The following ADAMTS16 variants were observed in gnomAD, a reference collection of about 807,000 sequenced individuals.
ADAMTS16 encodes the protein ADAM metallopeptidase with thrombospondin type 1 motif 16, also known as A disintegrin and metalloproteinase with thrombospondin motifs 16.
In ADAMTS16, 94 loss-of-function variants were observed where a neutral mutation model predicts 145.8. That is an observed-to-expected ratio of 0.64 (90% CI 0.55 to 0.77). The LOEUF (loss-of-function observed/expected upper bound fraction) is 0.77, where lower values mean the gene tolerates loss of function less well. Among genes scored for constraint, ADAMTS16 ranks in the 30% least tolerant of loss-of-function variants. The pLI is 0.00. For synonymous variants in ADAMTS16, 659 were observed against 604.3 expected, an observed-to-expected ratio of 1.09 and a Z score of -1.33; for missense variants, 1,585 against 1,591.5, an observed-to-expected ratio of 1.00 and a Z score of 0.07.
intron 3 of ADAMTS16, among the ~76,000 whole-genome samples, chr5:5,158,928 T>A (rs1385501605): frequency 6.6e-6 from 1 of 152,216 alleles, no homozygotes; most frequent in African/African-American, 2.4e-5. Context: ...TTCTCATGAA[T>A]AGGCACTTTC....
chr5:5,286,245 A>G (rs1400620489), intron 18 of ADAMTS16, among the ~76,000 whole-genome samples: 1 of 152,224 alleles, frequency 6.6e-6, no homozygotes, highest in Non-Finnish European at 1.5e-5. Flanking sequence ...TGATGTCTGT[A>G]TTTATATACA....
At chr5:5,253,711 C>T (rs971998622) in intron 17 of ADAMTS16, among the ~76,000 whole-genome samples, 3 of 152,146 alleles carry the variant, frequency 2.0e-5, no homozygotes, top group Non-Finnish European at 2.9e-5. Flanking sequence ...CCCACATCTT[C>T]GAAGATTCTC....
intron 3 of ADAMTS16, among the ~76,000 whole-genome samples, chr5:5,158,955 CA>C (rs1440159961): frequency 6.6e-6 from 1 of 152,230 alleles, no homozygotes; most frequent in Non-Finnish European, 1.5e-5. Context: ...CTGCATCCTC[CA>C]CAAAAAGTGA....
intron 18 of ADAMTS16, among the ~76,000 whole-genome samples, chr5:5,266,947 C>T (rs1232685847): frequency 6.6e-6 from 1 of 152,152 alleles, no homozygotes; most frequent in Non-Finnish European, 1.5e-5. Flanking sequence ...TTGCCCTTAC[C>T]ACCAACCATT....
rs112289099 is a variant in ADAMTS16 at position 5,158,782 on chromosome 5, T to A, written c.501+12327T>A. ...GTACAACTCAAGCAACTAAGTGGCA[T>A]TTGTCCAGCTCTTAGCCTTTTGTAT... is the stretch of plus-strand genomic sequence containing the variant. On this transcript the variant is annotated intron_variant, in intron 3 of 22. Transcript: ENST00000274181. 2.4e-3 allele frequency among the ~76,000 whole-genome samples: 364 copies of A among 152,346 alleles called. 1 individual carries two copies. Among genetic ancestry groups the A allele is most frequent in the African/African-American group, 8.4e-3 (350 of 41,582 alleles).
At chr5:5,145,318 C>T (rs912437408) in intron 2 of ADAMTS16, among the ~76,000 whole-genome samples, 1 of 152,176 alleles carries the variant, frequency 6.6e-6, no homozygotes, top group African/African-American at 2.4e-5. Context: ...ATAATTATTT[C>T]ACTATATTTG....
chr5:5,239,071 T>G, intron 14 of ADAMTS16, 80 bp from the exon 15 acceptor site: 2 of 1,360,436 alleles, frequency 1.5e-6, no homozygotes, highest in Non-Finnish European at 1.9e-6. Context: ...GGGGAGGAGG[T>G]TTCTTGCATG....
chr5:5,283,847 C>A (rs1427858897), intron 18 of ADAMTS16, among the ~76,000 whole-genome samples: 1 of 152,160 alleles, frequency 6.6e-6, no homozygotes, highest in African/African-American at 2.4e-5. Context: ...ATTAAACCAT[C>A]CTTGCACTCC....
intron 2 of ADAMTS16, among the ~76,000 whole-genome samples, chr5:5,141,946 C>G (rs574040135): frequency 1.3e-5 from 2 of 152,202 alleles, no homozygotes; most frequent in South Asian, 4.1e-4. Flanking sequence ...TGTCCATTTA[C>G]AGACTATCCT....
At chr5:5,207,858 C>T (rs1166285980) in intron 9 of ADAMTS16, among the ~76,000 whole-genome samples, 2 of 152,034 alleles carry the variant, frequency 1.3e-5, no homozygotes, top group Non-Finnish European at 2.9e-5. Flanking sequence ...ACAGACCTTG[C>T]AGACCTAGGA....
intron 13 of ADAMTS16, among the ~76,000 whole-genome samples, chr5:5,236,284 CATT>C (rs374879077): frequency 4.1e-4 from 58 of 140,128 alleles, no homozygotes; most frequent in African/African-American, 1.4e-3. Context: ...AAATTTTCAT[CATT>C]AATTGTCCCT....
chr5:5,269,322 A>T lies in ADAMTS16; in HGVS notation c.2789+6539A>T, dbSNP rs1189925598. Among the ~76,000 whole-genome samples, 1 of 151,934 alleles carries T rather than the reference A, an allele frequency of 6.6e-6. No individual in the cohort carries two copies. The highest frequency in any genetic ancestry group is 2.4e-5 in the African/African-American group (1 of 41,352). On this transcript the variant is annotated intron_variant, in intron 18 of 22. Transcript: ENST00000274181. This position sits in a 1 kb window ranked among gnomAD's most constrained non-coding sequence, Gnocchi z 4.3. ...TCAGCCTGGATACCCCCAACTCTTG[A>T]CCCACTGTGCACATGGAGCTCAGCA...
At position 5,313,449 on chromosome 5, in the gene ADAMTS16, T is replaced by A. The variant is rs116315120; in HGVS notation, c.3412-4685T>A. Among the ~76,000 whole-genome samples the A allele has an allele frequency of 5.2e-3, 793 of 152,316 alleles. 4 individuals are homozygous for A. Among genetic ancestry groups the A allele is most frequent in the Admixed American group, 8.4e-3 (128 of 15,302 alleles). On this transcript the variant is annotated intron_variant, in intron 21 of 22. Coordinates refer to ENST00000274181, the MANE Select transcript of ADAMTS16 (RefSeq NM_139056.4). Reference sequence around the variant, plus strand: ...GCAGGACTGATTTAAATCACTGCAGTCATTTGGGCTTAGTGTCAGGTTGTT... The same window carrying A: ...GCAGGACTGATTTAAATCACTGCAGACATTTGGGCTTAGTGTCAGGTTGTT...
chr5:5,246,672 T>A (rs1737452734), intron 17 of ADAMTS16, among the ~76,000 whole-genome samples: 1 of 152,194 alleles, frequency 6.6e-6, no homozygotes. Flanking sequence ...CGGTGTTGCT[T>A]TACATGAAAA....
intron 18 of ADAMTS16, among the ~76,000 whole-genome samples, chr5:5,286,883 A>AAG (rs60221321): frequency 1.6e-5 from 2 of 122,564 alleles, no homozygotes; most frequent in Non-Finnish European, 3.4e-5. Flanking sequence ...AAAAAAAAAA[A>AAG]GAGTTTTTAT....
intron 17 of ADAMTS16, among the ~76,000 whole-genome samples, chr5:5,254,570 C>T (rs965858219): frequency 3.3e-5 from 5 of 151,968 alleles, no homozygotes; most frequent in African/African-American, 1.2e-4. Flanking sequence ...AGTAAATATC[C>T]ATCTGTTGTC....
intron 17 of ADAMTS16, among the ~76,000 whole-genome samples, chr5:5,257,734 C>A (rs2964404): frequency 7.2e-5 from 11 of 152,144 alleles, no homozygotes; most frequent in South Asian, 2.1e-4. Flanking sequence ...GCTTGGTGTC[C>A]TACAATTCAG....
chr5:5,232,850 G>T (rs1048501657), intron 12 of ADAMTS16, among the ~76,000 whole-genome samples: 2 of 151,942 alleles, frequency 1.3e-5, no homozygotes, highest in South Asian at 2.1e-4. Flanking sequence ...TAATCCACCC[G>T]CCGTGACCTC....
chr5:5,287,940 A>G (rs1343995295), intron 18 of ADAMTS16, among the ~76,000 whole-genome samples: 1 of 152,164 alleles, frequency 6.6e-6, no homozygotes, highest in Non-Finnish European at 1.5e-5. Context: ...GGTTCGCTGC[A>G]GGAGGACACC....
Sources: allele counts gnomAD v4.1 joint callset (sites outside exome capture counted in the v4.1 genomes callset), GRCh38; gene constraint gnomAD v4.1.1; non-coding constraint Gnocchi (gnomAD v3.1); transcripts MANE v1.5; gene names NCBI Gene and HGNC (gene_info 2026-07-23, HGNC 2026-07-21).